The following SLC35F4 variants were observed in gnomAD, a reference collection of about 807,000 sequenced individuals.
SLC35F4 encodes the protein chromosome 14 open reading frame 36.
In SLC35F4, 24 loss-of-function variants were observed where a neutral mutation model predicts 44.2. That is an observed-to-expected ratio of 0.54 (90% CI 0.39 to 0.76). The LOEUF (loss-of-function observed/expected upper bound fraction) is 0.76. SLC35F4 is among the 30% of genes least tolerant of loss of function. SLC35F4 has a pLI of 0.00. For missense variants in SLC35F4, 562 were observed against 586.1 expected, an observed-to-expected ratio of 0.96 and a Z score of 0.42; for synonymous variants, 238 against 223.6, an observed-to-expected ratio of 1.06 and a Z score of -0.57.
intron 1 of SLC35F4, among the ~76,000 whole-genome samples, chr14:57,841,934 T>C (rs911239679): frequency 6.6e-5 from 10 of 152,204 alleles, no homozygotes; most frequent in African/African-American, 2.4e-4. Context: ...TGGAAATTGT[T>C]GGAACACGAA....
chr14:57,610,308 C>A (rs1310542400), intron 1 of SLC35F4, among the ~76,000 whole-genome samples: 1 of 152,064 alleles, frequency 6.6e-6, no homozygotes, highest in Non-Finnish European at 1.5e-5. Flanking sequence ...ATCTGTAGGA[C>A]CCTGAGCCTG....
intron 1 of SLC35F4, among the ~76,000 whole-genome samples, chr14:57,713,554 C>T (rs2075864174): frequency 6.6e-6 from 1 of 152,106 alleles, no homozygotes; most frequent in Non-Finnish European, 1.5e-5. Context: ...TAAGTTTTTC[C>T]CCCTTCAGTG....
At chr14:57,620,041 G>A (rs1595071340) in intron 1 of SLC35F4, among the ~76,000 whole-genome samples, 1 of 152,152 alleles carries the variant, frequency 6.6e-6, no homozygotes, top group Admixed American at 6.5e-5. Flanking sequence ...ATGGGACTAT[G>A]TGAAAAGACC....
In SLC35F4 at chr14:57,865,903, G is replaced by T; in HGVS notation, c.-78C>A. Reference sequence around the variant, plus strand: ...GGGCCCGGGAGCTGGTGCAGGTGCCGGAGCCGCTGGTGCTGATCTTGCAGC... The same window carrying T: ...GGGCCCGGGAGCTGGTGCAGGTGCCTGAGCCGCTGGTGCTGATCTTGCAGC... On this transcript the variant is annotated 5_prime_UTR_variant, in exon 1 of 8. Transcript: ENST00000556826. 2.0e-6 allele frequency: 2 copies of T among 1,014,306 alleles called. No individual in the cohort carries two copies. Among genetic ancestry groups the T allele is most frequent in the Non-Finnish European group, 2.8e-6 (2 of 723,776 alleles). The allele number at this position is 1,014,306 out of a possible 1,614,324, so 62.8% of individuals were successfully genotyped here. A position where few individuals can be genotyped will look rare whatever the true frequency, so the allele number is the denominator to read the frequency against.
intron 1 of SLC35F4, among the ~76,000 whole-genome samples, chr14:57,675,313 G>A (rs1246338899): frequency 2.0e-5 from 3 of 152,050 alleles, no homozygotes; most frequent in Non-Finnish European, 4.4e-5. Context: ...GCATGCTGAG[G>A]TAGTTAGAGG....
intron 1 of SLC35F4, among the ~76,000 whole-genome samples, chr14:57,767,922 C>T (rs892872714): frequency 1.6e-4 from 24 of 152,024 alleles, no homozygotes; most frequent in African/African-American, 5.8e-4. Context: ...AGAAATGGAC[C>T]AGTCTCTCAA....
At chr14:57,872,938 T>C (rs1236221697) in intron 1 of SLC35F4, among the ~76,000 whole-genome samples, 1 of 152,230 alleles carries the variant, frequency 6.6e-6, no homozygotes, top group East Asian at 1.9e-4. Context: ...ACTTGGTCAC[T>C]GGCACATACC....
At chr14:57,710,489 G>A (rs369900417) in intron 1 of SLC35F4, among the ~76,000 whole-genome samples, 5 of 152,074 alleles carry the variant, frequency 3.3e-5, no homozygotes, top group African/African-American at 1.2e-4. Flanking sequence ...GTGAGAAAAG[G>A]GCCAGCATCC....
At chr14:57,869,013 G>A (rs1888240227), upstream of SLC35F4, among the ~76,000 whole-genome samples, 1 of 152,026 alleles carries the variant, frequency 6.6e-6, no homozygotes. Flanking sequence ...AATTCGATTT[G>A]TTATAAAACA....
At chr14:57,860,227 A>T (rs1398964401) in intron 1 of SLC35F4, among the ~76,000 whole-genome samples, 2 of 152,178 alleles carry the variant, frequency 1.3e-5, no homozygotes, top group African/African-American at 4.8e-5. Flanking sequence ...CCCAAGTAAA[A>T]GGGAAAATAT....
chr14:57,749,939 A>C (rs150857140), intron 1 of SLC35F4, among the ~76,000 whole-genome samples: 3 of 152,154 alleles, frequency 2.0e-5, no homozygotes, highest in African/African-American at 7.2e-5. Context: ...TATAAGTGCA[A>C]TTTTGTTACT....
intron 1 of SLC35F4, among the ~76,000 whole-genome samples, chr14:57,754,270 T>A (rs1223213332): frequency 6.6e-6 from 1 of 151,830 alleles, no homozygotes; most frequent in African/African-American, 2.4e-5. Context: ...GCCTAGCTGA[T>A]TTTTTTGTAT....
chr14:57,640,900 T>G (rs1028399073), intron 1 of SLC35F4, among the ~76,000 whole-genome samples: 1 of 151,980 alleles, frequency 6.6e-6, no homozygotes, highest in African/African-American at 2.4e-5. Flanking sequence ...TTGAAGGCAA[T>G]TGATATAGCA....
intron 4 of SLC35F4, among the ~76,000 whole-genome samples, chr14:57,576,860 T>C (rs1012221329): frequency 6.6e-6 from 1 of 152,100 alleles, no homozygotes; most frequent in African/African-American, 2.4e-5. Flanking sequence ...GAGTGAAGGA[T>C]ATATGTGGAG....
intron 1 of SLC35F4, among the ~76,000 whole-genome samples, chr14:57,899,977 T>C (rs924835600): frequency 6.6e-6 from 1 of 152,148 alleles, no homozygotes; most frequent in Non-Finnish European, 1.5e-5. Context: ...GGCCAGCTTT[T>C]ATTCCCTTAT....
At chr14:57,975,839 C>A (rs1175328918), downstream of SLC35F4, among the ~76,000 whole-genome samples, 2 of 152,152 alleles carry the variant, frequency 1.3e-5, no homozygotes, top group Non-Finnish European at 2.9e-5. Flanking sequence ...TAAAAGGATT[C>A]TGGAATGGCA....
chr14:57,638,544 C>T (rs189845044), intron 1 of SLC35F4, among the ~76,000 whole-genome samples: 199 of 152,254 alleles, frequency 1.3e-3, no homozygotes, highest in Non-Finnish European at 2.4e-3. Context: ...GAAATGCCTG[C>T]TTCCAGTTTC....
At chr14:57,574,953 G>A (rs1382093413) in intron 4 of SLC35F4, among the ~76,000 whole-genome samples, 1 of 152,170 alleles carries the variant, frequency 6.6e-6, no homozygotes, top group Non-Finnish European at 1.5e-5. Flanking sequence ...TTCTGGAAAT[G>A]TGTCTGCAGG....
At chr14:57,972,914 G>A (rs916572917), downstream of SLC35F4, among the ~76,000 whole-genome samples, 1 of 152,250 alleles carries the variant, frequency 6.6e-6, no homozygotes, top group African/African-American at 2.4e-5. Context: ...AATGCCGAGG[G>A]AGAAGGCTCA....
Sources: allele counts gnomAD v4.1 joint callset (sites outside exome capture counted in the v4.1 genomes callset), GRCh38; gene constraint gnomAD v4.1.1; transcripts MANE v1.5; gene names NCBI Gene and HGNC (gene_info 2026-07-23, HGNC 2026-07-21).